Variants in TMEM74 observed in about 807,000 individuals in gnomAD.
TMEM74 encodes the protein transmembrane protein 74.
A neutral mutation model predicts 18.1 loss-of-function variants in TMEM74; 13 were observed. The ratio of observed to expected loss-of-function variants is 0.72; its 90% CI spans 0.47 to 1.14. TMEM74 has a LOEUF of 1.14. TMEM74 is among the 50% of genes most tolerant of loss of function. The probability of loss-of-function intolerance (pLI) is 0.00; values close to 1 mark genes in which losing one functional copy is unlikely to be tolerated. For missense variants in TMEM74, 372 were observed against 375.9 expected (o/e 0.99, Z 0.09); for synonymous variants, 159 against 146.6 (o/e 1.08, Z -0.61).
At chr8:108,616,170 G>A (rs1183980171) in intron 2 of TMEM74, among the ~76,000 whole-genome samples, 3 of 152,150 alleles carry the variant, frequency 2.0e-5, no homozygotes, top group Admixed American at 6.5e-5. Flanking sequence ...AGTGCTCATG[G>A]CAGAGGGCCG....
At chr8:108,626,369 A>G (rs1000790206) in intron 2 of TMEM74, among the ~76,000 whole-genome samples, 19 of 152,078 alleles carry the variant, frequency 1.2e-4, no homozygotes, top group Non-Finnish European at 2.8e-4. Context: ...TAGATTTAAT[A>G]TCATTTTGTT....
chr8:108,753,292 C>T (rs1813920825), intron 1 of TMEM74, among the ~76,000 whole-genome samples: 1 of 152,024 alleles, frequency 6.6e-6, no homozygotes, highest in South Asian at 2.1e-4. Flanking sequence ...TATCTTTTGG[C>T]ATTGAATGTT....
chr8:108,640,808 G>A (rs574232512), intron 2 of TMEM74, among the ~76,000 whole-genome samples: 1 of 152,130 alleles, frequency 6.6e-6, no homozygotes, highest in Admixed American at 6.6e-5. Flanking sequence ...TCAGGGCCAA[G>A]AAACACTTAT....
intron 1 of TMEM74, among the ~76,000 whole-genome samples, chr8:108,657,887 T>TTAATTAC (rs1417155783): frequency 1.8e-5 from 2 of 113,468 alleles, no homozygotes; most frequent in East Asian, 2.5e-4. Flanking sequence ...TATATATATA[T>TTAATTAC]ATATATATAT....
At position 108,643,334 on chromosome 8, in the gene TMEM74, G is replaced by A. The variant is rs116427999; in HGVS notation, n.264+11959C>T. ...GCTGCTGGTCCAAGGATAACACTTTGAGAACCATTGACTTAGACTAAAGGA... is the reference window on the plus strand; with the variant it reads ...GCTGCTGGTCCAAGGATAACACTTTAAGAACCATTGACTTAGACTAAAGGA... On this transcript the variant is annotated intron_variant and non_coding_transcript_variant, in intron 2 of 3. Coordinates refer to the TMEM74 transcript ENST00000518838. Among the ~76,000 whole-genome samples the A allele has an allele frequency of 3.3e-3, 505 of 152,280 alleles. 5 individuals are homozygous for A. The highest frequency in any genetic ancestry group is 0.012 in the African/African-American group (483 of 41,570).
intron 1 of TMEM74, among the ~76,000 whole-genome samples, chr8:108,664,834 T>C (rs1423953396): frequency 2.6e-5 from 4 of 152,110 alleles, no homozygotes; most frequent in Non-Finnish European, 4.4e-5. Flanking sequence ...GTCTAGATCA[T>C]AGATCCGCTA....
chr8:108,651,736 T>C (rs1331882551), intron 2 of TMEM74, among the ~76,000 whole-genome samples: 6 of 151,970 alleles, frequency 3.9e-5, no homozygotes, highest in Non-Finnish European at 8.8e-5. Context: ...GGACCCCCAG[T>C]TGACAAGGAG....
At chr8:108,786,078 G>A (rs975845739) in intron 1 of TMEM74, among the ~76,000 whole-genome samples, 2 of 152,170 alleles carry the variant, frequency 1.3e-5, no homozygotes, top group African/African-American at 4.8e-5. Context: ...CATCTGGATA[G>A]TTTTACAAAC....
intron 1 of TMEM74, among the ~76,000 whole-genome samples, chr8:108,746,587 C>T (rs1405525999): frequency 6.6e-6 from 1 of 151,866 alleles, no homozygotes; most frequent in East Asian, 1.9e-4. Flanking sequence ...CTCCTAAAAC[C>T]CTTGGAATTT....
At chr8:108,684,719 T>C (rs1813150890) in intron 1 of TMEM74, among the ~76,000 whole-genome samples, 1 of 151,670 alleles carries the variant, frequency 6.6e-6, no homozygotes, top group Non-Finnish European at 1.5e-5. Context: ...ATTTTGGGTC[T>C]TATATTGTAT....
At chr8:108,620,240 C>A (rs1812426146) in intron 2 of TMEM74, among the ~76,000 whole-genome samples, 1 of 152,066 alleles carries the variant, frequency 6.6e-6, no homozygotes, top group Non-Finnish European at 1.5e-5. Context: ...CTTGAAGAAT[C>A]TGGCAGATAA....
chr8:108,620,293 T>C (rs1414972692), intron 2 of TMEM74, among the ~76,000 whole-genome samples: 3 of 152,166 alleles, frequency 2.0e-5, no homozygotes, highest in Non-Finnish European at 4.4e-5. Flanking sequence ...TTTTTGACCA[T>C]AAATATGTAG....
intron 1 of TMEM74, among the ~76,000 whole-genome samples, chr8:108,770,000 T>C (rs549295398): frequency 2.0e-5 from 3 of 152,194 alleles, no homozygotes; most frequent in South Asian, 2.1e-4. Context: ...ATATCTTTTA[T>C]GGAGTTTTAT....
At chr8:108,608,148 A>G (rs1812296992) in intron 3 of TMEM74, among the ~76,000 whole-genome samples, 1 of 151,990 alleles carries the variant, frequency 6.6e-6, no homozygotes, top group African/African-American at 2.4e-5. Flanking sequence ...CTAAAAATAC[A>G]AAAATTAGCT....
At chr8:108,663,075 A>T (rs1489338295) in intron 1 of TMEM74, among the ~76,000 whole-genome samples, 1 of 152,204 alleles carries the variant, frequency 6.6e-6, no homozygotes, top group Non-Finnish European at 1.5e-5. Flanking sequence ...TAGCAACAAA[A>T]GCAAAAATTG....
At chr8:108,709,305 G>A (rs535558483) in intron 1 of TMEM74, among the ~76,000 whole-genome samples, 34 of 152,224 alleles carry the variant, frequency 2.2e-4, no homozygotes, top group Non-Finnish European at 4.3e-4. Flanking sequence ...TGAATAGAAC[G>A]AGAAATGTAG....
At chr8:108,756,622 G>A (rs533118306) in intron 1 of TMEM74, among the ~76,000 whole-genome samples, 2 of 87,110 alleles carry the variant, frequency 2.3e-5, no homozygotes, top group African/African-American at 1.0e-4. Flanking sequence ...AAGGAAGGAA[G>A]GAAGGAAGGA....
At chr8:108,720,291 T>C (rs1813573208) in intron 1 of TMEM74, among the ~76,000 whole-genome samples, 1 of 152,204 alleles carries the variant, frequency 6.6e-6, no homozygotes, top group Non-Finnish European at 1.5e-5. Context: ...TGTCAGATGG[T>C]TGTCAGCCCA....
chr8:108,721,058 C>T (rs1329582748), intron 1 of TMEM74, among the ~76,000 whole-genome samples: 8 of 152,160 alleles, frequency 5.3e-5, no homozygotes, highest in East Asian at 1.9e-4. Context: ...CGTGAGCCAC[C>T]GTGCCTGGCC....
Sources: allele counts gnomAD v4.1 joint callset (sites outside exome capture counted in the v4.1 genomes callset), GRCh38; gene constraint gnomAD v4.1.1; transcripts MANE v1.5; gene names NCBI Gene and HGNC (gene_info 2026-07-23, HGNC 2026-07-21).